Variants in WDPCP observed in about 807,000 individuals in gnomAD.
WDPCP encodes the protein WD repeat containing planar cell polarity effector, also known as WD repeat-containing and planar cell polarity effector protein fritz homolog.
In WDPCP, 71 loss-of-function variants were observed where a neutral mutation model predicts 93.1. The observed-to-expected ratio is 0.76, with a 90% CI of 0.63 to 0.93. WDPCP has a LOEUF of 0.93. Ranked by LOEUF, WDPCP falls within the 40% of genes least tolerant of loss-of-function variation. The pLI is 0.00. For missense variants in WDPCP, 844 were observed against 887.4 expected (o/e 0.95, Z 0.62); for synonymous variants, 315 against 315.0 (o/e 1.00, Z 0.00).
intron 1 of WDPCP, among the ~76,000 whole-genome samples, chr2:63,566,544 C>T (rs570800802): frequency 1.1e-4 from 16 of 152,298 alleles, no homozygotes; most frequent in Admixed American, 3.3e-4. Flanking sequence ...GTCACAGGCG[C>T]GTCCTCAACC....
intron 12 of WDPCP, among the ~76,000 whole-genome samples, chr2:63,341,625 GAC>G (rs1318153593): frequency 1.3e-5 from 2 of 152,172 alleles, no homozygotes; most frequent in Non-Finnish European, 2.9e-5. Context: ...AGAGAGATGG[GAC>G]AGAGCTATTG....
chr2:63,397,257 T>C (rs1204345783), intron 10 of WDPCP, among the ~76,000 whole-genome samples: 1 of 151,668 alleles, frequency 6.6e-6, no homozygotes, highest in Non-Finnish European at 1.5e-5. Context: ...GCATTAGGAG[T>C]GAGGGAGGAT....
At chr2:63,356,340 A>G (rs938424358) in intron 12 of WDPCP, among the ~76,000 whole-genome samples, 1 of 152,232 alleles carries the variant, frequency 6.6e-6, no homozygotes, top group Non-Finnish European at 1.5e-5. Context: ...GGACACTTCA[A>G]CACTCCACTA....
intron 6 of WDPCP, among the ~76,000 whole-genome samples, chr2:63,443,975 T>C (rs1454429770): frequency 6.6e-6 from 1 of 152,098 alleles, no homozygotes; most frequent in Non-Finnish European, 1.5e-5. Flanking sequence ...TTTATGGACA[T>C]ACCAGTGGAG....
At chr2:63,333,782 C>T (rs1420856639) in intron 12 of WDPCP, among the ~76,000 whole-genome samples, 1 of 152,198 alleles carries the variant, frequency 6.6e-6, no homozygotes, top group African/African-American at 2.4e-5. Context: ...CACATGTCCT[C>T]AGGACCTCCG....
chr2:63,473,700 A>G (rs1469961697), intron 6 of WDPCP, among the ~76,000 whole-genome samples: 1 of 152,136 alleles, frequency 6.6e-6, no homozygotes, highest in East Asian at 1.9e-4. Flanking sequence ...CTTTGTCCTC[A>G]TGACTTTACA....
At chr2:63,229,193 G>A (rs1057244464) in intron 14 of WDPCP, 5 of 152,160 alleles carry the variant, frequency 3.3e-5, no homozygotes, top group African/African-American at 1.2e-4. Context: ...GTGATGATGA[G>A]CATTTTTTCA....
intron 6 of WDPCP, among the ~76,000 whole-genome samples, chr2:63,444,906 T>C (rs1442021243): frequency 1.3e-5 from 2 of 152,214 alleles, no homozygotes; most frequent in African/African-American, 4.8e-5. Context: ...CTCCTTTTCA[T>C]TTTCTTCAAA....
intron 2 of WDPCP, among the ~76,000 whole-genome samples, chr2:63,744,677 T>C (rs1293558399): frequency 1.3e-5 from 2 of 152,262 alleles, no homozygotes; most frequent in South Asian, 4.1e-4. Context: ...TTTCTAATTA[T>C]AGTCCTTTCA....
chr2:63,588,221 G>C lies in WDPCP; in HGVS notation c.51C>G (p.Arg17=). ...CCTGTCTCGGGAGTGGGGAAGAAGC[G>C]CGACTCCCGGCCGCTTTGGAGTAGG... The part of the protein sequence containing the change: ...WDAYSKAAGS[R]ASSPLPRQDR... Residue 17 remains arginine, a synonymous_variant, in exon 1 of 18, where the codon CGC becomes CGG. Coordinates refer to ENST00000272321, the MANE Select transcript of WDPCP (RefSeq NM_015910.7). The C allele has an allele frequency of 6.4e-7, 1 of 1,574,230 alleles. No homozygotes were observed. The highest frequency in any genetic ancestry group is 8.6e-7 in the Non-Finnish European group (1 of 1,157,460).
chr2:63,692,087 T>A (rs1668898550), intron 2 of WDPCP, among the ~76,000 whole-genome samples: 1 of 152,200 alleles, frequency 6.6e-6, no homozygotes, highest in African/African-American at 2.4e-5. Flanking sequence ...CAAGTTTTGT[T>A]TGAGCCACAG....
chr2:63,390,979 C>T (rs929697137), intron 10 of WDPCP, among the ~76,000 whole-genome samples: 3 of 152,148 alleles, frequency 2.0e-5, no homozygotes, highest in African/African-American at 7.2e-5. Context: ...GAGTTGGTAC[C>T]ATTCCTTCTG....
At chr2:63,277,318 A>T (rs13414491) in intron 13 of WDPCP, among the ~76,000 whole-genome samples, 2 of 152,150 alleles carry the variant, frequency 1.3e-5, no homozygotes, top group South Asian at 2.1e-4. Flanking sequence ...CAATAACACA[A>T]TGGGAAAACA....
chr2:63,560,803 AG>A (rs1341762894), intron 1 of WDPCP, among the ~76,000 whole-genome samples: 1 of 152,170 alleles, frequency 6.6e-6, no homozygotes, highest in Non-Finnish European at 1.5e-5. Context: ...GGACACAGGG[AG>A]GGGAACATCA....
chr2:63,705,275 G>A (rs938784976), intron 2 of WDPCP, among the ~76,000 whole-genome samples: 6 of 152,076 alleles, frequency 3.9e-5, no homozygotes, highest in African/African-American at 1.4e-4. Context: ...ATTTTTTGAA[G>A]GGTTTTTTGT....
chr2:63,792,442 G>A (rs1447566916), intron 2 of WDPCP, among the ~76,000 whole-genome samples: 1 of 152,136 alleles, frequency 6.6e-6, no homozygotes, highest in African/African-American at 2.4e-5. Flanking sequence ...CTCGACACAT[G>A]GGATTATGGG....
chr2:63,595,782 T>C (rs1202081690), intron 3 of WDPCP, among the ~76,000 whole-genome samples: 1 of 152,200 alleles, frequency 6.6e-6, no homozygotes, highest in African/African-American at 2.4e-5. Flanking sequence ...TTAAGTGTAA[T>C]ATTGCACAAG....
rs1233974354 is a variant in WDPCP, at chr2:63,492,914, C to T, written c.102G>A (p.Met34Ile). ...RQDRDSFCHQ[M>I]SFCLTELHLW... ...GGTGCAGTTCAGTCAAGCAGAAAGA[C>T]ATCTGATGGCAGAAGGAATCTCTAT... The change falls in exon 2 of 18, where the codon ATG becomes ATA. Residue 34 changes from methionine (M) to isoleucine (I), a missense_variant. Transcript: ENST00000272321. The T allele has an allele frequency of 1.9e-6, 3 of 1,613,526 alleles. No individual in the cohort carries two copies. Among genetic ancestry groups the T allele is most frequent in the Non-Finnish European group, 8.5e-7 (1 of 1,179,870 alleles).
intron 12 of WDPCP, among the ~76,000 whole-genome samples, chr2:63,331,197 A>T (rs1176796101): frequency 6.6e-6 from 1 of 152,102 alleles, no homozygotes; most frequent in Admixed American, 6.6e-5. Flanking sequence ...GCCAGATTTG[A>T]CACCATGTAG....
Sources: gnomAD v4.1 joint callset for allele counts (sites outside exome capture counted in the v4.1 genomes callset) on GRCh38, gnomAD v4.1.1 for gene constraint, MANE v1.5 for transcripts, NCBI Gene and HGNC (gene_info 2026-07-23, HGNC 2026-07-21) for gene names.